The following ENPP4 variants were observed in gnomAD, a reference collection of about 807,000 sequenced individuals.
ENPP4 encodes the protein bis(5'-adenosyl)-triphosphatase ENPP4.
A neutral mutation model predicts 33.4 loss-of-function variants in ENPP4; 18 were observed. The ratio of observed to expected loss-of-function variants is 0.54; its 90% confidence interval spans 0.37 to 0.80. The LOEUF (loss-of-function observed/expected upper bound fraction) is 0.80. Ranked by LOEUF, ENPP4 falls within the 30% of genes least tolerant of loss-of-function variation. ENPP4 has a pLI of 0.00. For missense variants in ENPP4, 480 were observed against 541.7 expected, an observed-to-expected ratio of 0.89 and a Z score of 1.13; for synonymous variants, 172 against 189.9, an observed-to-expected ratio of 0.91 and a Z score of 0.78.
chr6:46,131,307 C>T (rs927598699), intron 1 of ENPP4, among the ~76,000 whole-genome samples: 1 of 151,908 alleles, frequency 6.6e-6, no homozygotes, highest in Non-Finnish European at 1.5e-5. Flanking sequence ...CATCCCTCCC[C>T]CTTCCCCCCA....
rs1298958421 is a variant in ENPP4, at chr6:46,144,891, CCT to C, written c.*1254_*1255del. On this transcript the variant is annotated 3_prime_UTR_variant, in exon 4 of 4. Coordinates refer to ENST00000321037, the MANE Select transcript of ENPP4 (RefSeq NM_014936.5). ...CAGTATTTGCATCACAGAAATAATC[CCT>C]CTGTTTAACATGTTTGTTCAGAGCC... 3 of 395,626 alleles carry C rather than the reference CCT, an allele frequency of 7.6e-6. No individual in the cohort carries two copies. Among genetic ancestry groups the C allele is most frequent in the Non-Finnish European group, 1.3e-5 (3 of 224,018 alleles). 24.5% of individuals were successfully genotyped at this position (395,626 alleles called of 1,614,324 possible). A position where few individuals can be genotyped will look rare whatever the true frequency, so the allele number is the denominator to read the frequency against.
intron 1 of ENPP4, among the ~76,000 whole-genome samples, chr6:46,130,479 G>C (rs190526462): frequency 2.0e-5 from 3 of 152,238 alleles, no homozygotes; most frequent in Non-Finnish European, 4.4e-5. Flanking sequence ...TCAGCCGAAC[G>C]GTAGTGGAGG....
intron 1 of ENPP4, among the ~76,000 whole-genome samples, chr6:46,131,868 T>C (rs923157588): frequency 1.1e-4 from 17 of 152,242 alleles, no homozygotes; most frequent in Non-Finnish European, 1.8e-4. Context: ...TGTGAGATGA[T>C]ATCTCATTGT....
intron 1 of ENPP4, among the ~76,000 whole-genome samples, chr6:46,139,199 G>A (rs924665406): frequency 3.3e-5 from 5 of 151,606 alleles, no homozygotes; most frequent in African/African-American, 9.7e-5. Flanking sequence ...TGGCATTAAC[G>A]TTATGTTTTA....
At chr6:46,140,719 G>A (rs535851038) in intron 2 of ENPP4, among the ~76,000 whole-genome samples, 1 of 151,716 alleles carries the variant, frequency 6.6e-6, no homozygotes, top group Non-Finnish European at 1.5e-5. Flanking sequence ...TTAGTGGTGA[G>A]GTACTTTCTT....
chr6:46,142,850 C>T (rs1764086884), intron 3 of ENPP4, among the ~76,000 whole-genome samples: 4 of 151,738 alleles, frequency 2.6e-5, no homozygotes, highest in Admixed American at 6.6e-5. Flanking sequence ...ATAGGTTAGG[C>T]TGCAGATTTT....
intron 1 of ENPP4, among the ~76,000 whole-genome samples, chr6:46,136,241 G>C (rs979729539): frequency 4.6e-5 from 7 of 151,886 alleles, no homozygotes; most frequent in African/African-American, 1.7e-4. Flanking sequence ...TTATGCTCCT[G>C]TTTTGATTAT....
chr6:46,131,019 G>T (rs1338415509), intron 1 of ENPP4, among the ~76,000 whole-genome samples: 2 of 152,170 alleles, frequency 1.3e-5, no homozygotes, highest in Admixed American at 1.3e-4. Context: ...TCCCCTCAGA[G>T]ATTGTTTCAA....
intron 1 of ENPP4, among the ~76,000 whole-genome samples, chr6:46,132,623 G>T (rs1763916500): frequency 6.6e-6 from 1 of 152,186 alleles, no homozygotes; most frequent in Non-Finnish European, 1.5e-5. Context: ...GCTAAGGATT[G>T]ACTTGGCGAT....
chr6:46,130,267 T>C (rs545609609), intron 1 of ENPP4, 78 bp downstream of exon 1: 1 of 150,772 alleles, frequency 6.6e-6, no homozygotes, highest in East Asian at 2.0e-4. Context: ...GCTTTGAAAA[T>C]AGAGATGGTG....
chr6:46,141,339 A>G (rs1764060378), intron 3 of ENPP4, 117 bp downstream of exon 3: 2 of 651,004 alleles, frequency 3.1e-6, no homozygotes, highest in African/African-American at 1.9e-5. Flanking sequence ...AATTAGTTCA[A>G]TTTTCAACCA....
rs1390985563 is a variant in ENPP4, at chr6:46,140,358, T to C, written c.775T>C (p.Tyr259His). 6.2e-7 allele frequency: 1 copy of C among 1,605,348 alleles called. No individual in the cohort carries two copies. Among genetic ancestry groups the C allele is most frequent in the Non-Finnish European group, 8.5e-7 (1 of 1,176,966 alleles). The change falls in exon 2 of 4, where the codon TAC becomes CAC. Residue 259 changes from tyrosine (Y) to histidine (H), a missense_variant. Coordinates refer to ENST00000321037, the MANE Select transcript of ENPP4 (RefSeq NM_014936.5). Reference protein sequence around the residue: ...INLDSCIDHSYYTLIDLSPVA... With the variant: ...INLDSCIDHSHYTLIDLSPVA... ...CCTGGATTCCTGCATCGATCATTCA[T>C]ACTACACTCTTATAGATTTGAGCCC...
intron 1 of ENPP4, among the ~76,000 whole-genome samples, chr6:46,137,655 A>G (rs923582904): frequency 2.0e-5 from 3 of 151,934 alleles, no homozygotes; most frequent in African/African-American, 7.2e-5. Context: ...TGCCTCCTCT[A>G]CCACTCATTA....
At chr6:46,143,136 G>T in intron 3 of ENPP4, 140 bp from the exon 4 acceptor site, 1 of 755,032 alleles carries the variant, frequency 1.3e-6, no homozygotes, top group Non-Finnish European at 2.1e-6. Context: ...GGGAAATATG[G>T]AACATAGCTG....
At position 46,139,865 on chromosome 6, in the gene ENPP4, T is replaced by C. The variant is rs963478164; in HGVS notation, c.282T>C (p.Tyr94=). 10 of 1,612,684 alleles carry C rather than the reference T, an allele frequency of 6.2e-6. No homozygotes were observed. Among genetic ancestry groups the C allele is most frequent in the Non-Finnish European group, 8.5e-6 (10 of 1,179,118 alleles). ...ATGGCATTGTGGCTAATTCCATGTA[T>C]GATGCAGTCACAAAGAAACACTTTT... ...ESHGIVANSM[Y]DAVTKKHFSD... Residue 94 remains tyrosine (Y), a synonymous_variant, in exon 2 of 4, where the codon TAT becomes TAC. Transcript: ENST00000321037.
Position 46,145,864 on chromosome 6 carries a change from AAC to A in ENPP4, c.*2226_*2227del, listed in dbSNP as rs1764132861. On this transcript the variant is annotated 3_prime_UTR_variant, in exon 4 of 4. Transcript: ENST00000321037. ...AAGAAGAATAGTATTTATTTAATAA[AAC>A]ATATATTATATTGAACTATGTGTTA... The A allele has an allele frequency of 6.6e-6, 1 of 151,926 alleles. No homozygotes were observed. Among genetic ancestry groups the A allele is most frequent in the Non-Finnish European group, 1.5e-5 (1 of 67,858 alleles). The allele number at this position is 151,926 out of a possible 1,614,324, so 9.4% of individuals were successfully genotyped here.
In ENPP4 at chr6:46,141,037, C is replaced by CTTTTTTTTTTT; in HGVS notation, c.827-6_827-5insTTTTTTTTTTT. ...TCATAACTTGTTTCCTTTGCTGTTT[C>CTTTTTTTTTTT]TTTTTTTTTCTCAGATAGAACAGAG... On this transcript the variant is annotated splice_polypyrimidine_tract_variant and intron_variant, in intron 2 of 3. Coordinates refer to ENST00000321037, the MANE Select transcript of ENPP4 (RefSeq NM_014936.5). The CTTTTTTTTTTT allele has an allele frequency of 6.6e-7, 1 of 1,504,228 alleles. No individual in the cohort carries two copies. Among genetic ancestry groups the CTTTTTTTTTTT allele is most frequent in the Non-Finnish European group, 8.9e-7 (1 of 1,119,090 alleles). The allele number at this position is 1,504,228 out of a possible 1,614,324, so 93.2% of individuals were successfully genotyped here.
At chr6:46,139,322 G>T (rs1764020621) in intron 1 of ENPP4, among the ~76,000 whole-genome samples, 1 of 151,574 alleles carries the variant, frequency 6.6e-6, no homozygotes, top group Non-Finnish European at 1.5e-5. Context: ...GTATAAAAAT[G>T]GCCCATATGA....
At chr6:46,135,876 T>C (rs1763967357) in intron 1 of ENPP4, among the ~76,000 whole-genome samples, 1 of 152,084 alleles carries the variant, frequency 6.6e-6, no homozygotes, top group African/African-American at 2.4e-5. Flanking sequence ...CAATTTCTTT[T>C]GCATGTGGAT....
Sources: gnomAD v4.1 joint callset for allele counts (sites outside exome capture counted in the v4.1 genomes callset) on GRCh38, gnomAD v4.1.1 for gene constraint, MANE v1.5 for transcripts, NCBI Gene and HGNC (gene_info 2026-07-23, HGNC 2026-07-21) for gene names.